Variants in FMO3 observed in about 807,000 individuals in gnomAD.
The protein encoded by FMO3 is flavin containing dimethylaniline monoxygenase 3.
Under a neutral mutation model 39.4 loss-of-function variants are expected in FMO3, and 40 were observed. The ratio of observed to expected loss-of-function variants is 1.02; its 90% confidence interval spans 0.79 to 1.32. FMO3 has a LOEUF of 1.32. FMO3 is among the 40% of genes most tolerant of loss of function. The pLI is 0.00. For missense variants in FMO3, 680 were observed against 651.8 expected, an observed-to-expected ratio of 1.04 and a Z score of -0.47; for synonymous variants, 219 against 228.8, an observed-to-expected ratio of 0.96 and a Z score of 0.39.
In FMO3 at chr1:171,114,216, G is replaced by A; in HGVS notation, c.1037G>A (p.Arg346Lys). Residue 346 changes from arginine to lysine, a missense_variant, in exon 7 of 9, where the codon AGA (arginine) becomes AAA (lysine). Arg to Lys is a conservative substitution (Grantham distance 26). Transcript: ENST00000367755. ...CTTGATGAGTCTATCATCAAAAGCA[G>A]AAACAATGAGATCATTTTATTTAAA... ...PFLDESIIKS[R>K]NNEIILFKGV... The A allele has an allele frequency of 6.2e-7, 1 of 1,613,976 alleles. No homozygotes were observed. The highest frequency in any genetic ancestry group is 8.5e-7 in the Non-Finnish European group (1 of 1,179,928).
At position 171,117,404 on chromosome 1, in the gene FMO3, C is replaced by T. The variant is rs1004000405; in HGVS notation, c.1561C>T (p.Pro521Ser). ...CCATTGGCTGAAGCTCTTTGCAATT[C>T]CTATTCTGTTAATCGCTGTTTTCCT... ...FFHWLKLFAI[P>S]ILLIAVFLVL... is the part of the protein sequence containing the mutation. Residue 521 changes from proline to serine, a missense_variant, in exon 9 of 9, where the codon CCT becomes TCT. Pro to Ser is a moderately conservative substitution (Grantham distance 74). Coordinates refer to ENST00000367755, the MANE Select transcript of FMO3 (RefSeq NM_001002294.3). 15 of 1,613,432 alleles carry T rather than the reference C, an allele frequency of 9.3e-6. No homozygotes were observed. The highest frequency in any genetic ancestry group is 1.3e-5 in the African/African-American group (1 of 74,936).
rs28363565 is a variant in FMO3 at position 171,111,016 on chromosome 1, T to C, written c.827+19T>C. 206 of 1,598,170 alleles carry C rather than the reference T, an allele frequency of 1.3e-4. 1 individual carries two copies. In the African/African-American group the frequency reaches 2.4e-3, roughly 18 times the overall value. On this transcript the variant is annotated intron_variant, in intron 6 of 8. Coordinates refer to ENST00000367755, the MANE Select transcript of FMO3 (RefSeq NM_001002294.3). ...TAAATGGGTAATGCAGAGCTAAACGTGATATGCCTGCTGGCTTTTAGTTCA... is the reference window on the plus strand; with the variant it reads ...TAAATGGGTAATGCAGAGCTAAACGCGATATGCCTGCTGGCTTTTAGTTCA...
intron 5 of FMO3, among the ~76,000 whole-genome samples, chr1:171,110,556 A>G (rs766914675): frequency 1.3e-5 from 2 of 152,228 alleles, no homozygotes; most frequent in South Asian, 4.1e-4. Context: ...CTGGGCCTTT[A>G]TACGCCCGCA....
intron 5 of FMO3, among the ~76,000 whole-genome samples, chr1:171,110,161 A>G (rs1655842101): frequency 6.6e-6 from 1 of 152,188 alleles, no homozygotes. Context: ...CACATCATTA[A>G]TAAGTAGGAG....
At chr1:171,109,829 A>G (rs77776673) in intron 5 of FMO3, among the ~76,000 whole-genome samples, 238 of 152,202 alleles carry the variant, frequency 1.6e-3, no homozygotes, top group African/African-American at 5.5e-3. Flanking sequence ...GGCGTGAGCC[A>G]CCATGCCCGG....
At chr1:171,096,617 CAT>C (rs1323865463) in intron 2 of FMO3, among the ~76,000 whole-genome samples, 1 of 112,784 alleles carries the variant, frequency 8.9e-6, no homozygotes, top group African/African-American at 3.4e-5. Flanking sequence ...ATATTAAATA[CAT>C]AATATACTTT....
intron 2 of FMO3, among the ~76,000 whole-genome samples, chr1:171,098,160 T>C (rs1655190518): frequency 6.6e-6 from 1 of 152,226 alleles, no homozygotes; most frequent in Non-Finnish European, 1.5e-5. Context: ...ATCTCTGTTT[T>C]GGTACCAGTA....
chr1:171,100,888 A>G (rs1655349354), intron 2 of FMO3: 1 of 280,496 alleles, frequency 3.6e-6, no homozygotes, highest in African/African-American at 2.2e-5. Flanking sequence ...AAATATAATT[A>G]AGTTAAAAAT....
chr1:171,099,567 G>C (rs1363837014), intron 2 of FMO3, among the ~76,000 whole-genome samples: 1 of 151,764 alleles, frequency 6.6e-6, no homozygotes, highest in African/African-American at 2.4e-5. Context: ...AATCCTATAA[G>C]CTAGGTATAT....
At chr1:171,093,520 T>C (rs1654810465) in intron 2 of FMO3, among the ~76,000 whole-genome samples, 2 of 151,744 alleles carry the variant, frequency 1.3e-5, no homozygotes. Context: ...CATATATATG[T>C]ATATGCGTCT....
chr1:171,111,716 C>T (rs546138881), intron 6 of FMO3, among the ~76,000 whole-genome samples: 39 of 152,258 alleles, frequency 2.6e-4, no homozygotes, highest in African/African-American at 7.7e-4. Context: ...ACCCAAGTTA[C>T]GAGCTGTTTT....
At position 171,103,900 on chromosome 1, in the gene FMO3, A is replaced by C; in HGVS notation, c.248A>C (p.His83Pro). The C allele has an allele frequency of 6.2e-7, 1 of 1,613,946 alleles. No individual in the cohort carries two copies. Among genetic ancestry groups the C allele is most frequent in the Non-Finnish European group, 8.5e-7 (1 of 1,179,874 alleles). ...PFPDDFPNFMHNSKIQEYIIA... is the reference protein window; with the variant it reads ...PFPDDFPNFMPNSKIQEYIIA... ...CCCGATGACTTCCCCAACTTTATGCACAACAGCAAGATCCAGGAATATATC... is the reference window on the plus strand; with the variant it reads ...CCCGATGACTTCCCCAACTTTATGCCCAACAGCAAGATCCAGGAATATATC... Residue 83 changes from histidine to proline, a missense_variant, in exon 3 of 9, where the codon CAC (histidine) becomes CCC (proline). Transcript: ENST00000367755.
Position 171,096,571 on chromosome 1 carries a change from C to CTTTATATATTAAATACATAA in FMO3, c.132+3782_132+3783insTTATATATTAAATACATAAT, listed in dbSNP as rs1557934387. On this transcript the variant is annotated intron_variant, in intron 2 of 8. Transcript: ENST00000367755. ...CTATACTTTATATATTAAATACATACTATACTTTATATATTAAATACATAA... is the reference window on the plus strand; with the variant it reads ...CTATACTTTATATATTAAATACATACTTTATATATTAAATACATAATATACTTTATATATTAAATACATAA... Among the ~76,000 whole-genome samples the CTTTATATATTAAATACATAA allele has an allele frequency of 6.8e-5, 3 of 43,880 alleles. 1 individual carries two copies. The highest frequency in any genetic ancestry group is 4.7e-4 in the Admixed American group (1 of 2,132). The allele number at this position is 43,880 out of a possible 152,430, so 28.8% of individuals were successfully genotyped here.
chr1:171,114,119 G>A lies in FMO3; in HGVS notation c.940G>A (p.Glu314Lys), dbSNP rs72549330. 5 of 1,613,856 alleles carry A rather than the reference G, an allele frequency of 3.1e-6. No homozygotes were observed. Among genetic ancestry groups the A allele is most frequent in the Non-Finnish European group, 3.4e-6 (4 of 1,179,860 alleles). ...ATTCACAGAGACCTCGGCCATTTTT[G>A]AGGATGGGACCATATTTGAGGGCAT... The part of the protein sequence containing the change: ...KEFTETSAIF[E>K]DGTIFEGIDC... Residue 314 changes from glutamate (E) to lysine (K), a missense_variant, in exon 7 of 9, where the codon GAG becomes AAG. Physicochemically the swap from Glu to Lys is moderately conservative, Grantham distance 56 (BLOSUM62 1). Transcript: ENST00000367755.
At chr1:171,096,163 T>C (rs1380777387) in intron 2 of FMO3, among the ~76,000 whole-genome samples, 4 of 69,152 alleles carry the variant, frequency 5.8e-5, no homozygotes, top group Non-Finnish European at 7.1e-5. Context: ...ATATATAATA[T>C]ATATAATTAT....
At chr1:171,110,473 G>A (rs1353485838) in intron 5 of FMO3, among the ~76,000 whole-genome samples, 2 of 152,160 alleles carry the variant, frequency 1.3e-5, no homozygotes, top group Non-Finnish European at 2.9e-5. Context: ...ACTTCCACAG[G>A]AAGGGAAGGA....
chr1:171,111,128 C>T, intron 6 of FMO3, 131 bp downstream of exon 6: 1 of 765,790 alleles, frequency 1.3e-6, no homozygotes. Context: ...TAAAGAACTG[C>T]ACAAATTAAG....
intron 2 of FMO3, chr1:171,100,746 T>C (rs1432381099): frequency 5.1e-6 from 1 of 194,772 alleles, no homozygotes. Context: ...GGGATGGATG[T>C]GAATCCTTGG....
intron 6 of FMO3, among the ~76,000 whole-genome samples, chr1:171,112,654 G>C (rs1000499907): frequency 6.6e-6 from 1 of 152,170 alleles, no homozygotes; most frequent in Non-Finnish European, 1.5e-5. Flanking sequence ...TATTAAAGTT[G>C]GAATGCCTAT....
Sources: gnomAD v4.1 joint callset for allele counts (sites outside exome capture counted in the v4.1 genomes callset) on GRCh38, gnomAD v4.1.1 for gene constraint, MANE v1.5 for transcripts, NCBI Gene and HGNC (gene_info 2026-07-23, HGNC 2026-07-21) for gene names.